CREBBP: variants seen among roughly 807,000 people sequenced by gnomAD.
CREBBP encodes CREB binding lysine acetyltransferase.
A neutral mutation model predicts 265.0 loss-of-function variants in CREBBP; 19 were observed. The observed-to-expected ratio is 0.07, with a 90% confidence interval of 0.05 to 0.11. The LOEUF is 0.11. Among genes scored for constraint, CREBBP ranks in the 10% least tolerant of loss-of-function variants. CREBBP has a pLI of 1.00. For synonymous variants in CREBBP, 1,457 were observed against 1,223.7 expected, an observed-to-expected ratio of 1.19 and a Z score of -3.98; for missense variants, 2,525 against 3,219.0, an observed-to-expected ratio of 0.78 and a Z score of 5.22.
chr16:3,856,533 C>T (rs1280816507), intron 1 of CREBBP, among the ~76,000 whole-genome samples: 1 of 152,112 alleles, frequency 6.6e-6, no homozygotes, highest in Non-Finnish European at 1.5e-5. Flanking sequence ...GTTGCCCAGG[C>T]TGGTCTCAAA....
At chr16:3,873,635 C>T (rs1042477209) in intron 1 of CREBBP, among the ~76,000 whole-genome samples, 2 of 152,162 alleles carry the variant, frequency 1.3e-5, no homozygotes, top group African/African-American at 4.8e-5. Flanking sequence ...TCAGGCTACC[C>T]TCATAACCAC....
At chr16:3,831,152 T>C (rs2054335799) in intron 2 of CREBBP, among the ~76,000 whole-genome samples, 1 of 152,178 alleles carries the variant, frequency 6.6e-6, no homozygotes, top group African/African-American at 2.4e-5. Context: ...GTCTTCAATT[T>C]CAAAGGACAA....
chr16:3,741,030 G>C (rs1196939644), intron 23 of CREBBP: 1 of 227,944 alleles, frequency 4.4e-6, no homozygotes, highest in African/African-American at 2.6e-5. Context: ...AGCCTGTCCG[G>C]TGCCTCAGGA....
intron 1 of CREBBP, among the ~76,000 whole-genome samples, chr16:3,852,035 CAAAAAAAAAAAAAAAAAAAA>C (rs551018184): frequency 3.4e-3 from 38 of 11,196 alleles, no homozygotes; most frequent in South Asian, 8.3e-3. Flanking sequence ...GACTCCATCT[CAAAAAAAAAAAAAAAAAAAA>C]AAAAAAAAAA....
intron 3 of CREBBP, among the ~76,000 whole-genome samples, chr16:3,804,177 T>C (rs936945613): frequency 6.6e-6 from 1 of 151,792 alleles, no homozygotes; most frequent in Non-Finnish European, 1.5e-5. Context: ...ATTCCTACGG[T>C]CAAAGTGACT....
intron 2 of CREBBP, among the ~76,000 whole-genome samples, chr16:3,841,395 G>C (rs1345394954): frequency 6.6e-6 from 1 of 151,702 alleles, no homozygotes; most frequent in African/African-American, 2.4e-5. Context: ...GAAAAATTTG[G>C]GTTGCAATAA....
rs2053518337 is a variant in CREBBP at position 3,792,018 on chromosome 16, G to A, written c.1293C>T (p.Leu431=). Residue 431 remains leucine (L), a synonymous_variant, in exon 5 of 31, where the codon CTC becomes CTT. Coordinates refer to ENST00000262367, the MANE Select transcript of CREBBP (RefSeq NM_004380.3). Reference sequence around the variant, plus strand: ...GCTTGTCACTGGCATTTTTCAAAGGGAGGCAAACAGGACAGTCATGTCGTG... The same window carrying A: ...GCTTGTCACTGGCATTTTTCAAAGGAAGGCAAACAGGACAGTCATGTCGTG... ...NCTRHDCPVC[L]PLKNASDKRN... is the part of the protein sequence containing the mutation. 5.6e-6 allele frequency: 9 copies of A among 1,614,090 alleles called. No homozygotes were observed. Among genetic ancestry groups the A allele is most frequent in the Non-Finnish European group, 6.8e-6 (8 of 1,180,046 alleles).
intron 28 of CREBBP, among the ~76,000 whole-genome samples, chr16:3,734,952 A>C (rs1367777894): frequency 6.6e-6 from 1 of 151,756 alleles, no homozygotes; most frequent in Non-Finnish European, 1.5e-5. Context: ...ACCTCCATTC[A>C]CCGCTTTTCC....
chr16:3,760,285 TCTCA>T (rs1490158818), intron 16 of CREBBP, among the ~76,000 whole-genome samples: 1 of 151,420 alleles, frequency 6.6e-6, no homozygotes, highest in African/African-American at 2.4e-5. Context: ...GGAGATGAGG[TCTCA>T]CTATGTTGTC....
At chr16:3,835,393 A>G (rs1051488757) in intron 2 of CREBBP, among the ~76,000 whole-genome samples, 4 of 152,190 alleles carry the variant, frequency 2.6e-5, no homozygotes, top group African/African-American at 9.6e-5. Context: ...GTGGCAAGCC[A>G]TATAAAAACA....
intron 11 of CREBBP, among the ~76,000 whole-genome samples, chr16:3,776,939 AC>A (rs1480991141): frequency 6.6e-6 from 1 of 151,910 alleles, no homozygotes; most frequent in African/African-American, 2.4e-5. Flanking sequence ...AATGGCATGA[AC>A]CCGGGAGGCG....
intron 26 of CREBBP, among the ~76,000 whole-genome samples, chr16:3,738,282 T>C (rs2052119043): frequency 6.7e-6 from 1 of 150,274 alleles, no homozygotes; most frequent in South Asian, 2.1e-4. Flanking sequence ...AAAGGGGAAT[T>C]CTATGATATG....
chr16:3,747,861 G>T (rs1037546349), intron 21 of CREBBP, among the ~76,000 whole-genome samples: 6 of 151,878 alleles, frequency 4.0e-5, no homozygotes, highest in African/African-American at 1.5e-4. Context: ...AGGCCGAGGC[G>T]GGTGGACCAC....
In CREBBP at chr16:3,849,411, GT is replaced by G. The variant is rs1248551779; in HGVS notation, c.798+885del. 8.0e-3 allele frequency among the ~76,000 whole-genome samples: 46 copies of G among 5,750 alleles called. No individual in the cohort carries two copies. In the Middle Eastern group the frequency reaches 0.25, roughly 31 times the overall value. 3.8% of individuals were successfully genotyped at this position (5,750 alleles called of 152,430 possible). On this transcript the variant is annotated intron_variant, in intron 2 of 30. Transcript: ENST00000262367. ...TGTGTGTGTGTGTGTGTGTGTGTGT[GT>G]GTGTGTGTGTGTGTGTGTGTGTGTG...
At chr16:3,851,865 A>G (rs2054847273) in intron 1 of CREBBP, among the ~76,000 whole-genome samples, 1 of 130,634 alleles carries the variant, frequency 7.7e-6, no homozygotes, top group African/African-American at 3.1e-5. Flanking sequence ...CGTCTCAAAA[A>G]AAAAAAAAAA....
intron 12 of CREBBP, 89 bp downstream of exon 12, chr16:3,774,480 G>A: frequency 6.4e-7 from 1 of 1,563,922 alleles, no homozygotes; most frequent in African/African-American, 1.4e-5. Flanking sequence ...AGAACCACAG[G>A]ATTCTCAAGT....
At chr16:3,869,492 C>T (rs896174611) in intron 1 of CREBBP, among the ~76,000 whole-genome samples, 10 of 152,102 alleles carry the variant, frequency 6.6e-5, no homozygotes, top group African/African-American at 9.7e-5. Flanking sequence ...CTAGGTGATA[C>T]GTATCTTAAA....
At chr16:3,870,493 T>A (rs921043309) in intron 1 of CREBBP, among the ~76,000 whole-genome samples, 4 of 152,200 alleles carry the variant, frequency 2.6e-5, no homozygotes, top group Admixed American at 6.5e-5. Flanking sequence ...GAAACAGAGT[T>A]CCATTTAATT....
At chr16:3,868,274 T>C (rs368358677) in intron 1 of CREBBP, among the ~76,000 whole-genome samples, 1 of 128,874 alleles carries the variant, frequency 7.8e-6, no homozygotes, top group Admixed American at 7.4e-5. Flanking sequence ...AAAAAACTTT[T>C]AAAAGAAAAT....
Sources: allele counts gnomAD v4.1 joint callset (sites outside exome capture counted in the v4.1 genomes callset), GRCh38; gene constraint gnomAD v4.1.1; transcripts MANE v1.5; gene names NCBI Gene and HGNC (gene_info 2026-07-23, HGNC 2026-07-21).